Variants in BPIFB6 observed in about 807,000 individuals in gnomAD.
The protein encoded by BPIFB6 is BPI fold containing family B member 6, also known as BPI fold-containing family B member 6.
A neutral mutation model predicts 54.7 loss-of-function variants in BPIFB6; 47 were observed. The ratio of observed to expected loss-of-function variants is 0.86; its 90% confidence interval spans 0.68 to 1.10. The LOEUF (loss-of-function observed/expected upper bound fraction) is 1.10, where lower values mean the gene tolerates loss of function less well. BPIFB6 is among the 50% of genes least tolerant of loss of function. The probability of loss-of-function intolerance (pLI) is 0.00; values close to 1 mark genes in which losing one functional copy is unlikely to be tolerated. For missense variants in BPIFB6, 603 were observed against 564.1 expected (o/e 1.07, Z -0.70); for synonymous variants, 255 against 225.9 (o/e 1.13, Z -1.16).
Position 33,039,414 on chromosome 20 carries a change from T to C in BPIFB6, c.968T>C (p.Val323Ala). ...ATCAAGATAAAGAAGCCTCCCAAGGTCACTATGAAGACAGGCAAGAGCCTG... is the reference window on the plus strand; with the variant it reads ...ATCAAGATAAAGAAGCCTCCCAAGGCCACTATGAAGACAGGCAAGAGCCTG... ...TQIKIKKPPK[V>A]TMKTGKSLLH... The change falls in exon 10 of 15, where the codon GTC (valine) becomes GCC (alanine). Residue 323 changes from valine (V) to alanine (A), a missense_variant. Physicochemically the swap from Val to Ala is moderately conservative, Grantham distance 64. Coordinates refer to ENST00000349552, the MANE Select transcript of BPIFB6 (RefSeq NM_174897.2). 1.2e-6 allele frequency: 2 copies of C among 1,614,050 alleles called. No homozygotes were observed. The highest frequency in any genetic ancestry group is 1.7e-6 in the Non-Finnish European group (2 of 1,179,992).
At chr20:33,032,854 C>T (rs570920373) in intron 1 of BPIFB6, 130 bp from the exon 2 acceptor site, 107 of 668,016 alleles carry the variant, frequency 1.6e-4, no homozygotes, top group African/African-American at 1.5e-3. Flanking sequence ...TAGGCTGGGG[C>T]GCTGTGGGAC....
At position 33,039,473 on chromosome 20, in the gene BPIFB6, G is replaced by T; in HGVS notation, c.1027G>T (p.Ala343Ser). ...CCACAGCACCCTGGAGATGTTCGCA[G>T]CTCGGTGGCGGAGCAAGGCTCCAAT... The part of the protein sequence containing the change: ...HLHSTLEMFA[A>S]RWRSKAPMSL... Residue 343 changes from alanine to serine, a missense_variant, in exon 10 of 15, where the codon GCT becomes TCT. Ala to Ser is a moderately conservative substitution (Grantham distance 99). Coordinates refer to ENST00000349552, the MANE Select transcript of BPIFB6 (RefSeq NM_174897.2). The T allele has an allele frequency of 6.2e-7, 1 of 1,614,004 alleles. No individual in the cohort carries two copies. The highest frequency in any genetic ancestry group is 1.7e-4 in the Middle Eastern group (1 of 6,052).
At position 33,043,369 on chromosome 20, in the gene BPIFB6, T is replaced by G; in HGVS notation, c.1329+2T>G. 1 of 1,613,876 alleles carries G rather than the reference T, an allele frequency of 6.2e-7. No individual in the cohort carries two copies. The highest frequency in any genetic ancestry group is 1.1e-5 in the South Asian group (1 of 91,042). On this transcript the variant is annotated splice_donor_variant, in intron 14 of 14. Transcript: ENST00000349552. LOFTEE classifies it high-confidence loss of function. ...CTGGCTGAGCTGGACATAGTAGAGG[T>G]GAGAGGAGGGGCTAGGGGAGGTCAT...
At chr20:33,036,347 G>T in intron 6 of BPIFB6, 98 bp from the exon 7 acceptor site, 6 of 1,005,282 alleles carry the variant, frequency 6.0e-6, no homozygotes, top group Non-Finnish European at 9.0e-6. Flanking sequence ...CTTGAGTCAC[G>T]TGGAGGGCCA....
intron 2 of BPIFB6, chr20:33,033,593 G>T: frequency 2.2e-6 from 1 of 456,890 alleles, no homozygotes; most frequent in Non-Finnish European, 4.4e-6. Context: ...TCTGCCAAGA[G>T]CTCAGGATGG....
At chr20:33,043,497 G>T in intron 14 of BPIFB6, 130 bp downstream of exon 14, 1 of 794,608 alleles carries the variant, frequency 1.3e-6, no homozygotes, top group Non-Finnish European at 2.1e-6. Flanking sequence ...ATATAATCCT[G>T]CCCCTCAGAA....
intron 11 of BPIFB6, 61 bp downstream of exon 11, chr20:33,040,379 A>T: frequency 1.3e-6 from 2 of 1,501,354 alleles, no homozygotes; most frequent in Admixed American, 1.7e-5. Context: ...CTTCTGATCT[A>T]GCACACCCCA....
intron 12 of BPIFB6, 67 bp downstream of exon 12, chr20:33,042,082 C>G: frequency 6.6e-7 from 1 of 1,516,490 alleles, no homozygotes; most frequent in Non-Finnish European, 9.2e-7. Context: ...TCCCTCGGAA[C>G]TACAGGGCCG....
chr20:33,033,711 A>G (rs1279987435), intron 2 of BPIFB6: 1 of 449,778 alleles, frequency 2.2e-6, no homozygotes, highest in South Asian at 1.6e-5. Context: ...ATGTCCAGGG[A>G]CATTTTTCAT....
At chr20:33,041,922 A>T in intron 11 of BPIFB6, 48 bp from the exon 12 acceptor site, 2 of 1,582,772 alleles carry the variant, frequency 1.3e-6, no homozygotes, top group South Asian at 1.1e-5. Flanking sequence ...ACTGGCTCTG[A>T]CCGTTCTTTC....
At chr20:33,032,609 C>T (rs934805599) in intron 1 of BPIFB6, among the ~76,000 whole-genome samples, 5 of 152,156 alleles carry the variant, frequency 3.3e-5, no homozygotes, top group Non-Finnish European at 7.4e-5. Flanking sequence ...CTATCCTCTT[C>T]CCCCAACTGT....
In BPIFB6 at chr20:33,043,307, G is replaced by A; in HGVS notation, c.1269G>A (p.Gly423=). The change falls in exon 14 of 15, where the codon GGG becomes GGA. Residue 423 remains glycine (G), a synonymous_variant. Coordinates refer to ENST00000349552, the MANE Select transcript of BPIFB6 (RefSeq NM_174897.2). The stretch of plus-strand genomic sequence containing the variant: ...ATTTCTCAGATGTGCTTCAAGTGGG[G>A]CTCCCACTCCCGGACTTTCTGGCCA... ...IPVVNDVLQV[G]LPLPDFLAMN... 3 of 1,614,124 alleles carry A rather than the reference G, an allele frequency of 1.9e-6. No homozygotes were observed. The highest frequency in any genetic ancestry group is 2.2e-5 in the East Asian group (1 of 44,892).
At position 33,044,038 on chromosome 20, in the gene BPIFB6, G is replaced by A; in HGVS notation, c.1353G>A (p.Lys451=). 6.2e-7 allele frequency: 1 copy of A among 1,614,152 alleles called. No individual in the cohort carries two copies. The change falls in exon 15 of 15, where the codon AAG becomes AAA. Residue 451 remains lysine (K), a synonymous_variant. Transcript: ENST00000349552. ...IVENALMLDL[K]LG ...AGAATGCCCTGATGCTGGACTTGAA[G>A]CTGGGCTGACCATGGCAGGACTCCC...
At chr20:33,038,640 A>C (rs1979445106) in intron 8 of BPIFB6, among the ~76,000 whole-genome samples, 1 of 152,078 alleles carries the variant, frequency 6.6e-6, no homozygotes, top group Non-Finnish European at 1.5e-5. Context: ...TTTACCCATC[A>C]CATCTACCCA....
intron 3 of BPIFB6, 25 bp downstream of exon 3, chr20:33,034,315 C>T (rs377575015): frequency 5.4e-5 from 82 of 1,514,004 alleles, no homozygotes; most frequent in Middle Eastern, 3.5e-4. Context: ...GGAGGGGCAG[C>T]GGGGAGGAGA....
In BPIFB6 at chr20:33,034,193, G is replaced by A. The variant is rs759698917; in HGVS notation, c.205G>A (p.Val69Met). ...CTGCCTGTCCCTTCCCAGTTTGAAG[G>A]TGAAGGATGTCCAGCTGCCCGTCAT... is the stretch of plus-strand genomic sequence containing the variant. ...KPIKGITNLK[V>M]KDVQLPVITL... The change falls in exon 3 of 15, where the codon GTG becomes ATG. Residue 69 changes from valine (V) to methionine (M), a missense_variant. By Grantham distance (21) the Val-to-Met change is conservative. Transcript: ENST00000349552. 10 of 1,613,610 alleles carry A rather than the reference G, an allele frequency of 6.2e-6. No homozygotes were observed. The East Asian group carries it at 1.3e-4, about 22-fold the overall frequency.
intron 11 of BPIFB6, 126 bp downstream of exon 11, chr20:33,040,444 C>T: frequency 1.2e-6 from 1 of 832,038 alleles, no homozygotes; most frequent in Non-Finnish European, 2.0e-6. Context: ...GCTCTAGCTA[C>T]TTTTCCTGCT....
chr20:33,033,586 G>T, intron 2 of BPIFB6: 1 of 456,880 alleles, frequency 2.2e-6, no homozygotes, highest in South Asian at 1.5e-5. Context: ...AGCAATGTCT[G>T]CCAAGAGCTC....
chr20:33,038,579 C>A (rs150781088), intron 8 of BPIFB6, among the ~76,000 whole-genome samples: 157 of 152,306 alleles, frequency 1.0e-3, no homozygotes, highest in Middle Eastern at 0.01. Flanking sequence ...TCTGTTTATC[C>A]GTTTCCCCAT....
Sources: gnomAD v4.1 joint callset for allele counts (sites outside exome capture counted in the v4.1 genomes callset) on GRCh38, gnomAD v4.1.1 for gene constraint, MANE v1.5 for transcripts, NCBI Gene and HGNC (gene_info 2026-07-23, HGNC 2026-07-21) for gene names.